GAP43: variants seen among roughly 807,000 people sequenced by gnomAD.
The protein encoded by GAP43 is growth associated protein 43.
A neutral mutation model predicts 18.6 loss-of-function variants in GAP43; 6 were observed. The ratio of observed to expected loss-of-function variants is 0.32; its 90% CI spans 0.18 to 0.64. The LOEUF (loss-of-function observed/expected upper bound fraction) is 0.64. GAP43 is among the 30% of genes least tolerant of loss of function. The pLI is 0.78. For synonymous variants in GAP43, 115 were observed against 111.4 expected, an observed-to-expected ratio of 1.03 and a Z score of -0.20; for missense variants, 292 against 295.5, an observed-to-expected ratio of 0.99 and a Z score of 0.09.
intron 1 of GAP43, among the ~76,000 whole-genome samples, chr3:115,669,831 G>A (rs1484093215): frequency 6.6e-6 from 1 of 151,826 alleles, no homozygotes; most frequent in Non-Finnish European, 1.5e-5. Flanking sequence ...GAGATATTTT[G>A]TTTTCTTATA....
intron 1 of GAP43, among the ~76,000 whole-genome samples, chr3:115,642,695 T>C (rs956309309): frequency 1.3e-5 from 2 of 152,064 alleles, no homozygotes; most frequent in African/African-American, 4.8e-5. Context: ...GTACCACAAC[T>C]CCAAAAGATT....
rs1708757453 is a variant in GAP43, at chr3:115,668,229, G to A, written c.31-7784G>A. 2.0e-5 allele frequency among the ~76,000 whole-genome samples: 3 copies of A among 152,148 alleles called. No homozygotes were observed. In the South Asian group the frequency reaches 6.2e-4, roughly 32 times the overall value. On this transcript the variant is annotated intron_variant, in intron 1 of 2. Coordinates refer to ENST00000305124, the MANE Select transcript of GAP43 (RefSeq NM_002045.4). Reference sequence around the variant, plus strand: ...TGGCTTGTGCCTTGGTACATGACCAGCATGATTAACGTGCCTCATCGCAAC... The same window carrying A: ...TGGCTTGTGCCTTGGTACATGACCAACATGATTAACGTGCCTCATCGCAAC...
At chr3:115,632,834 TTC>T (rs1708276781) in intron 1 of GAP43, among the ~76,000 whole-genome samples, 1 of 152,084 alleles carries the variant, frequency 6.6e-6, no homozygotes, top group Non-Finnish European at 1.5e-5. Flanking sequence ...AAATAATGAT[TTC>T]TTTAATTATA....
At chr3:115,627,335 T>C (rs954918244) in intron 1 of GAP43, among the ~76,000 whole-genome samples, 2 of 151,412 alleles carry the variant, frequency 1.3e-5, no homozygotes, top group African/African-American at 4.9e-5. Context: ...CAACCCATGC[T>C]GAGGCAACTG....
At chr3:115,650,843 A>G (rs187404614) in intron 1 of GAP43, among the ~76,000 whole-genome samples, 8 of 152,252 alleles carry the variant, frequency 5.3e-5, no homozygotes, top group African/African-American at 1.9e-4. Flanking sequence ...GGAAAGTAAA[A>G]TCTGGTCAGG....
intron 2 of GAP43, among the ~76,000 whole-genome samples, chr3:115,702,490 A>G (rs1425896016): frequency 2.0e-5 from 3 of 152,136 alleles, no homozygotes; most frequent in Non-Finnish European, 4.4e-5. Context: ...TATACTGCTC[A>G]TTGAAGCTAA....
intron 2 of GAP43, among the ~76,000 whole-genome samples, chr3:115,690,142 G>T (rs935835095): frequency 1.3e-5 from 2 of 152,208 alleles, no homozygotes; most frequent in Non-Finnish European, 2.9e-5. Flanking sequence ...GGCCCTAAAG[G>T]GTTCCTTGAC....
At chr3:115,669,965 ATTTTTATT>A (rs1708793308) in intron 1 of GAP43, among the ~76,000 whole-genome samples, 2 of 100,722 alleles carry the variant, frequency 2.0e-5, no homozygotes, top group Non-Finnish European at 4.5e-5. Context: ...TCATCTTTTT[ATTTTTATT>A]TTTTTTTTTT....
intron 1 of GAP43, among the ~76,000 whole-genome samples, chr3:115,663,226 A>T (rs1708687912): frequency 6.6e-6 from 1 of 152,244 alleles, no homozygotes; most frequent in African/African-American, 2.4e-5. Flanking sequence ...TATATACCTC[A>T]CTACAATTGT....
intron 1 of GAP43, among the ~76,000 whole-genome samples, chr3:115,637,039 T>C (rs747805279): frequency 1.1e-4 from 16 of 152,112 alleles, no homozygotes; most frequent in South Asian, 2.1e-4. Context: ...AGTCCCCTTT[T>C]GGGCCTAGCT....
chr3:115,676,662 T>C, intron 2 of GAP43, 52 bp downstream of exon 2: 1 of 1,478,694 alleles, frequency 6.8e-7, no homozygotes, highest in Non-Finnish European at 8.9e-7. Context: ...AGGGAGTTGC[T>C]ATTCGGAAGA....
At chr3:115,695,052 G>T (rs1378086411) in intron 2 of GAP43, among the ~76,000 whole-genome samples, 1 of 152,194 alleles carries the variant, frequency 6.6e-6, no homozygotes, top group East Asian at 1.9e-4. Flanking sequence ...GGAAATATCA[G>T]TGCCTTAACA....
At chr3:115,625,247 G>T (rs1708171888) in intron 1 of GAP43, among the ~76,000 whole-genome samples, 1 of 146,928 alleles carries the variant, frequency 6.8e-6, no homozygotes, top group Non-Finnish European at 1.5e-5. Flanking sequence ...ATCCTGGATT[G>T]TGTGGGGCTA....
intron 2 of GAP43, among the ~76,000 whole-genome samples, chr3:115,695,021 G>A (rs908673609): frequency 2.6e-5 from 4 of 152,202 alleles, no homozygotes; most frequent in African/African-American, 9.7e-5. Context: ...CAAAATGCCA[G>A]TTGAACTGTT....
chr3:115,679,341 T>C (rs973009635), intron 2 of GAP43, among the ~76,000 whole-genome samples: 2 of 152,252 alleles, frequency 1.3e-5, no homozygotes, highest in Non-Finnish European at 2.9e-5. Context: ...CTTCTTTTAC[T>C]ATTTACTACC....
At chr3:115,624,880 G>GA (rs1708166307) in intron 1 of GAP43, among the ~76,000 whole-genome samples, 1 of 138,630 alleles carries the variant, frequency 7.2e-6, no homozygotes, top group Non-Finnish European at 1.5e-5. Context: ...GAGTGTGTGC[G>GA]TATGCTTGAC....
chr3:115,657,828 G>A (rs1708602866), intron 1 of GAP43, among the ~76,000 whole-genome samples: 2 of 152,042 alleles, frequency 1.3e-5, no homozygotes, highest in African/African-American at 4.8e-5. Flanking sequence ...AAAGTTCTGG[G>A]ATTACAGACG....
intron 1 of GAP43, among the ~76,000 whole-genome samples, chr3:115,643,594 A>G (rs1456944745): frequency 6.6e-6 from 1 of 151,978 alleles, no homozygotes; most frequent in African/African-American, 2.4e-5. Context: ...GTTGCAACAT[A>G]TTCACGAGTA....
chr3:115,720,216 A>ATTGT (rs1299576498), intron 2 of GAP43, among the ~76,000 whole-genome samples: 2 of 152,092 alleles, frequency 1.3e-5, no homozygotes, highest in African/African-American at 2.4e-5. Flanking sequence ...AGTGCCATGT[A>ATTGT]TTGTTTGATG....
Sources: allele counts gnomAD v4.1 joint callset (sites outside exome capture counted in the v4.1 genomes callset), GRCh38; gene constraint gnomAD v4.1.1; transcripts MANE v1.5; gene names NCBI Gene and HGNC (gene_info 2026-07-23, HGNC 2026-07-21).